Variants in ARL15 observed in about 807,000 individuals in gnomAD.
The protein encoded by ARL15 is ARF like GTPase 15.
Under a neutral mutation model 25.2 loss-of-function variants are expected in ARL15, and 19 were observed. The observed-to-expected ratio is 0.75, with a 90% confidence interval of 0.53 to 1.10. The LOEUF (loss-of-function observed/expected upper bound fraction) is 1.10. Among genes scored for constraint, ARL15 ranks in the 50% least tolerant of loss-of-function variants. ARL15 has a pLI of 0.00. For missense variants in ARL15, 220 were observed against 246.0 expected, an observed-to-expected ratio of 0.89 and a Z score of 0.71; for synonymous variants, 94 against 86.8, an observed-to-expected ratio of 1.08 and a Z score of -0.46.
At chr5:54,108,333 G>A (rs1279576916) in intron 4 of ARL15, among the ~76,000 whole-genome samples, 2 of 152,082 alleles carry the variant, frequency 1.3e-5, no homozygotes, top group African/African-American at 4.8e-5. Context: ...TTTAGAATAA[G>A]TATACGTCCC....
intron 4 of ARL15, among the ~76,000 whole-genome samples, chr5:54,032,479 C>A (rs1440576769): frequency 6.6e-6 from 1 of 152,102 alleles, no homozygotes; most frequent in Admixed American, 6.5e-5. Flanking sequence ...AAGTGATCCA[C>A]AGGTCTTGGC....
intron 1 of ARL15, among the ~76,000 whole-genome samples, chr5:54,256,750 G>A (rs1423238371): frequency 6.6e-6 from 1 of 152,032 alleles, no homozygotes; most frequent in Non-Finnish European, 1.5e-5. Context: ...CCATGATCAA[G>A]GTGGGGTTCA....
At chr5:53,904,540 C>T (rs1745177597) in intron 4 of ARL15, among the ~76,000 whole-genome samples, 1 of 152,048 alleles carries the variant, frequency 6.6e-6, no homozygotes, top group Admixed American at 6.6e-5. Flanking sequence ...CAGATTGCTT[C>T]CCAAGTATCT....
At chr5:54,015,085 G>C (rs1385652119) in intron 4 of ARL15, among the ~76,000 whole-genome samples, 1 of 151,852 alleles carries the variant, frequency 6.6e-6, no homozygotes, top group Non-Finnish European at 1.5e-5. Flanking sequence ...CTGAAGTCAG[G>C]AGTTCGAGAC....
At chr5:54,123,011 T>G (rs528001155) in intron 3 of ARL15, among the ~76,000 whole-genome samples, 2 of 152,280 alleles carry the variant, frequency 1.3e-5, no homozygotes, top group South Asian at 4.2e-4. Context: ...GAATGGGGAG[T>G]GATTATGTAA....
intron 4 of ARL15, among the ~76,000 whole-genome samples, chr5:54,023,610 G>A (rs116310783): frequency 0.034 from 5,176 of 151,818 alleles, 102 homozygotes; most frequent in Non-Finnish European, 0.056. Context: ...AAAATATGGC[G>A]CTTTGATGTG....
chr5:54,066,728 T>G (rs1291496453), intron 4 of ARL15, among the ~76,000 whole-genome samples: 1 of 152,182 alleles, frequency 6.6e-6, no homozygotes, highest in African/African-American at 2.4e-5. Flanking sequence ...CCCAACCTGC[T>G]GAGATTAAGA....
chr5:54,055,282 C>T (rs1184340142), intron 4 of ARL15, among the ~76,000 whole-genome samples: 2 of 148,908 alleles, frequency 1.3e-5, no homozygotes, highest in Non-Finnish European at 3.0e-5. Context: ...TTGTAAATGA[C>T]TTTCTTCACT....
intron 4 of ARL15, among the ~76,000 whole-genome samples, chr5:54,112,116 C>T (rs1288335151): frequency 1.3e-5 from 2 of 151,910 alleles, no homozygotes; most frequent in East Asian, 1.9e-4. Flanking sequence ...TGGGTCCTTG[C>T]CTTTCTTTTT....
chr5:54,127,055 G>T (rs1753276931), intron 3 of ARL15, among the ~76,000 whole-genome samples: 1 of 151,868 alleles, frequency 6.6e-6, no homozygotes, highest in African/African-American at 2.4e-5. Context: ...CTGTGTCCAT[G>T]TGTTCTCATT....
chr5:54,039,599 G>C (rs1036536542), intron 4 of ARL15, among the ~76,000 whole-genome samples: 1 of 151,554 alleles, frequency 6.6e-6, no homozygotes, highest in Non-Finnish European at 1.5e-5. Context: ...TAGGAGTTTC[G>C]AGACCAGCCT....
At chr5:54,299,781 G>A (rs1427167227) in intron 1 of ARL15, among the ~76,000 whole-genome samples, 1 of 151,522 alleles carries the variant, frequency 6.6e-6, no homozygotes, top group Non-Finnish European at 1.5e-5. Flanking sequence ...GTAGAGATGG[G>A]GTTTCATCAT....
At chr5:54,146,267 T>C (rs989520993) in intron 3 of ARL15, among the ~76,000 whole-genome samples, 2 of 151,464 alleles carry the variant, frequency 1.3e-5, no homozygotes, top group African/African-American at 4.8e-5. Flanking sequence ...GAGTGAACAA[T>C]GCTACATAAT....
intron 4 of ARL15, among the ~76,000 whole-genome samples, chr5:54,111,000 G>A (rs1181284071): frequency 6.6e-6 from 1 of 151,710 alleles, no homozygotes; most frequent in Non-Finnish European, 1.5e-5. Context: ...TTTCTTTTTA[G>A]GCCAGACCCA....
chr5:54,237,293 G>A (rs114614332), intron 1 of ARL15, among the ~76,000 whole-genome samples: 1,791 of 152,252 alleles, frequency 0.012, 36 homozygotes, highest in African/African-American at 0.041. Context: ...AGTTTCCTGA[G>A]GCCTCACCTG....
At chr5:54,180,300 A>C (rs1579880381) in intron 1 of ARL15, among the ~76,000 whole-genome samples, 1 of 152,220 alleles carries the variant, frequency 6.6e-6, no homozygotes, top group East Asian at 1.9e-4. Flanking sequence ...TGAGCATGCG[A>C]TCTCTTAGCT....
At chr5:54,219,902 A>G (rs1756321515) in intron 1 of ARL15, among the ~76,000 whole-genome samples, 1 of 152,234 alleles carries the variant, frequency 6.6e-6, no homozygotes, top group African/African-American at 2.4e-5. Context: ...GTCCTTCCAT[A>G]TTTAATATTC....
intron 4 of ARL15, among the ~76,000 whole-genome samples, chr5:54,093,197 T>C (rs1752182747): frequency 1.3e-5 from 2 of 152,198 alleles, no homozygotes; most frequent in South Asian, 4.1e-4. Context: ...TTGTTGAATG[T>C]AGAGTGCTCA....
chr5:54,270,465 T>C (rs1271379635), intron 1 of ARL15, among the ~76,000 whole-genome samples: 2 of 152,186 alleles, frequency 1.3e-5, no homozygotes, highest in Admixed American at 6.5e-5. Context: ...TACCATAACT[T>C]AGAATGCCCA....
Sources: allele counts gnomAD v4.1 joint callset (sites outside exome capture counted in the v4.1 genomes callset), GRCh38; gene constraint gnomAD v4.1.1; transcripts MANE v1.5; gene names NCBI Gene and HGNC (gene_info 2026-07-23, HGNC 2026-07-21).